SYNE3: variants seen among roughly 807,000 people sequenced by gnomAD.
The protein encoded by SYNE3 is nesprin-3.
Under a neutral mutation model 111.2 loss-of-function variants are expected in SYNE3, and 100 were observed. The ratio of observed to expected loss-of-function variants is 0.90; its 90% confidence interval spans 0.77 to 1.06. The LOEUF is 1.06. Among genes scored for constraint, SYNE3 ranks in the 50% least tolerant of loss-of-function variants. The probability of loss-of-function intolerance (pLI) is 0.00; values close to 1 mark genes in which losing one functional copy is unlikely to be tolerated. For synonymous variants in SYNE3, 547 were observed against 533.9 expected, an observed-to-expected ratio of 1.02 and a Z score of -0.34; for missense variants, 1,160 against 1,240.3, an observed-to-expected ratio of 0.94 and a Z score of 0.97.
intron 7 of SYNE3, chr14:95,451,426 T>C (rs1887068576): frequency 6.6e-6 from 1 of 152,236 alleles, no homozygotes; most frequent in Non-Finnish European, 1.5e-5. Flanking sequence ...GAAATCTCAG[T>C]GAGAGAAACC....
rs1249254874 is a variant in SYNE3, at chr14:95,467,935, C to T, written c.177G>A (p.Val59=). 6.2e-7 allele frequency: 1 copy of T among 1,613,604 alleles called. No homozygotes were observed. Among genetic ancestry groups the T allele is most frequent in the Non-Finnish European group, 8.5e-7 (1 of 1,179,580 alleles). The change falls in exon 3 of 18, where the codon GTG becomes GTA. Residue 59 remains valine (V), a synonymous_variant. Coordinates refer to ENST00000682763, the MANE Select transcript of SYNE3 (RefSeq NM_152592.6). ...KICQLEPEGR[V]RVDLVLRMAE... is the part of the protein sequence containing the mutation. ...CCATCCGTAGCACGAGGTCCACCCT[C>T]ACACGCCCCTCGGGCTCCAGCTGGC...
At chr14:95,457,084 CA>C (rs55934257) in intron 5 of SYNE3, 92 bp downstream of exon 5, 127,471 of 1,202,820 alleles carry the variant, frequency 0.11, 21 homozygotes, top group Non-Finnish European at 0.11. Flanking sequence ...GACTCCATCT[CA>C]AAAAAAAAAA....
intron 1 of SYNE3, among the ~76,000 whole-genome samples, chr14:95,476,752 C>T (rs1888912015): frequency 6.6e-6 from 1 of 152,250 alleles, no homozygotes; most frequent in South Asian, 2.1e-4. Flanking sequence ...GTTTATCCTC[C>T]AGTCTCCCAC....
In SYNE3 at chr14:95,436,866, C is replaced by T. The variant is rs531873700; in HGVS notation, c.2492G>A (p.Arg831Lys). ...NSKLVRIIAM[R>K]TSTAEDLRTR... Reference sequence around the variant, plus strand: ...CCTCAAGTCCTCAGCTGTAGAAGTTCTCATTGCGATGATTCTAACCAGCTT... The same window carrying T: ...CCTCAAGTCCTCAGCTGTAGAAGTTTTCATTGCGATGATTCTAACCAGCTT... Residue 831 changes from arginine (R) to lysine (K), a missense_variant, in exon 15 of 18, where the codon AGA (arginine) becomes AAA (lysine). Physicochemically the swap from Arg to Lys is conservative, Grantham distance 26 (BLOSUM62 2). Transcript: ENST00000682763. The T allele has an allele frequency of 1.2e-6, 2 of 1,614,198 alleles. No individual in the cohort carries two copies. The highest frequency in any genetic ancestry group is 2.7e-5 in the African/African-American group (2 of 75,040).
At position 95,468,058 on chromosome 14, in the gene SYNE3, G is replaced by A. The variant is rs553841818; in HGVS notation, c.145-91C>T. Reference sequence around the variant, plus strand: ...ATAGTGGCATGGTGCAAAGAGCCAGGACTCGAAGGCCAGAGGATCTGGGAT... The same window carrying A: ...ATAGTGGCATGGTGCAAAGAGCCAGAACTCGAAGGCCAGAGGATCTGGGAT... On this transcript the variant is annotated intron_variant, in intron 2 of 17. Transcript: ENST00000682763. 170 of 1,422,918 alleles carry A rather than the reference G, an allele frequency of 1.2e-4. 1 individual carries two copies. The South Asian group carries it at 1.9e-3, about 16-fold the overall frequency. 88.1% of individuals were successfully genotyped at this position (1,422,918 alleles called of 1,614,324 possible).
At chr14:95,503,743 C>T (rs1465885243) in intron 1 of SYNE3, among the ~76,000 whole-genome samples, 2 of 149,772 alleles carry the variant, frequency 1.3e-5, no homozygotes, top group South Asian at 2.1e-4. Context: ...CTCCACCTAT[C>T]GAGTAGCTGA....
intron 17 of SYNE3, among the ~76,000 whole-genome samples, chr14:95,420,416 A>G (rs547559097): frequency 6.6e-6 from 1 of 152,284 alleles, no homozygotes; most frequent in South Asian, 2.1e-4. Flanking sequence ...TCCCAAATGG[A>G]GGGTCTGCTT....
At chr14:95,452,216 G>A in intron 7 of SYNE3, 31 bp downstream of exon 7, 2 of 1,559,174 alleles carry the variant, frequency 1.3e-6, no homozygotes, top group Non-Finnish European at 1.7e-6. Flanking sequence ...AGCACACCCT[G>A]AGTCCCACCA....
Position 95,455,480 on chromosome 14 carries a change from C to G in SYNE3, c.1034G>C (p.Ser345Thr), listed in dbSNP as rs766013746. Residue 345 changes from serine to threonine, a missense_variant, in exon 6 of 18, where the codon AGT becomes ACT. By Grantham distance (58) the Ser-to-Thr change is moderately conservative. Transcript: ENST00000682763. The stretch of plus-strand genomic sequence containing the variant: ...CCTCTGCAGGACCATCCTGAACTCA[C>G]TGAGCTCAGCCTCCAGCTGCTTAAT... ...QQIKQLEAEL[S>T]EFRMVLQRLA... 6.2e-6 allele frequency: 10 copies of G among 1,613,468 alleles called. No individual in the cohort carries two copies. The East Asian group carries it at 1.8e-4, about 29-fold the overall frequency.
intron 17 of SYNE3, among the ~76,000 whole-genome samples, chr14:95,425,091 A>G (rs188138802): frequency 1.7e-4 from 26 of 151,984 alleles, no homozygotes; most frequent in Admixed American, 3.9e-4. Flanking sequence ...AATACAAAAA[A>G]ACAAATTAGC....
rs747642116 is a variant in SYNE3 at position 95,408,843 on chromosome 14, C to G, written c.*8983G>C. ...TTGGAACTGCTCAGCAGGCAGAGAC[C>G]GCGCAAAGCCAACTCTGTCCTCTGC... On this transcript the variant is annotated 3_prime_UTR_variant, in exon 18 of 18. Coordinates refer to ENST00000682763, the MANE Select transcript of SYNE3 (RefSeq NM_152592.6). 4.1e-5 allele frequency: 13 copies of G among 315,880 alleles called. No individual in the cohort carries two copies. Among genetic ancestry groups the G allele is most frequent in the African/African-American group, 1.1e-4 (5 of 46,208 alleles). 19.6% of individuals were successfully genotyped at this position (315,880 alleles called of 1,614,324 possible).
chr14:95,417,946 C>G lies in SYNE3; in HGVS notation c.2808G>C (p.Leu936=), dbSNP rs144877155. Residue 936 remains leucine (L), a synonymous_variant, in exon 18 of 18, where the codon CTG becomes CTC. Coordinates refer to ENST00000682763, the MANE Select transcript of SYNE3 (RefSeq NM_152592.6). The part of the protein sequence containing the change: ...VALPLQLLLL[L]FLLLLFLLPI... ...GGAGCAGGAACAGCAGGAGGAGGAA[C>G]AGCAGCAGAAGCAGCTGCAGTGGGA... 1.5e-4 allele frequency: 236 copies of G among 1,613,930 alleles called. No homozygotes were observed. In the African/African-American group the frequency reaches 2.4e-3, roughly 17 times the overall value.
At chr14:95,501,709 C>T (rs1312180862) in intron 1 of SYNE3, among the ~76,000 whole-genome samples, 1 of 150,808 alleles carries the variant, frequency 6.6e-6, no homozygotes, top group African/African-American at 2.5e-5. Context: ...GAGGTGGCCA[C>T]AGGAGGGAAG....
intron 4 of SYNE3, among the ~76,000 whole-genome samples, chr14:95,463,953 A>C (rs1302823477): frequency 1.3e-5 from 2 of 152,212 alleles, no homozygotes. Flanking sequence ...ATGTAACCAT[A>C]CAGCCCCCAC....
At position 95,439,036 on chromosome 14, in the gene SYNE3, T is replaced by C; in HGVS notation, c.2373A>G (p.Arg791=). The C allele has an allele frequency of 6.2e-7, 1 of 1,614,112 alleles. No homozygotes were observed. Among genetic ancestry groups the C allele is most frequent in the Non-Finnish European group, 8.5e-7 (1 of 1,180,034 alleles). The change falls in exon 14 of 18, where the codon CGA becomes CGG. Residue 791 remains arginine (R), a synonymous_variant. Transcript: ENST00000682763. ...NPMDPIPRHR[R]RANLLQEEEG... ...CAGCCCTGCTAGACAGACTCACGCG[T>C]CGACGATGCCTGGGAATAGGATCCA...
intron 1 of SYNE3, among the ~76,000 whole-genome samples, chr14:95,508,763 C>T (rs751823439): frequency 7.9e-5 from 12 of 152,222 alleles, no homozygotes; most frequent in Non-Finnish European, 1.6e-4. Flanking sequence ...GGTTCCGGGG[C>T]CAACCCCCAG....
chr14:95,508,846 T>C (rs1056991562), intron 1 of SYNE3, among the ~76,000 whole-genome samples: 1 of 152,180 alleles, frequency 6.6e-6, no homozygotes, highest in Non-Finnish European at 1.5e-5. Flanking sequence ...ATGACACATA[T>C]TGCACCTTCT....
chr14:95,498,638 G>A (rs1890199215), intron 1 of SYNE3, among the ~76,000 whole-genome samples: 1 of 152,210 alleles, frequency 6.6e-6, no homozygotes, highest in Admixed American at 6.5e-5. Context: ...TATAGAATAG[G>A]ACTGCATCTG....
At position 95,448,760 on chromosome 14, in the gene SYNE3, T is replaced by C. The variant is rs74078465; in HGVS notation, c.1449+1171A>G. ...AGCCCCAAGCGGAAAATCACAAGGG[T>C]AGACGTTTCAAAATGCAGGCACATG... On this transcript the variant is annotated intron_variant, in intron 8 of 17. Transcript: ENST00000682763. 4.6e-3 allele frequency among the ~76,000 whole-genome samples: 698 copies of C among 152,122 alleles called. 4 individuals are homozygous for C. Among genetic ancestry groups the C allele is most frequent in the African/African-American group, 0.016 (663 of 41,482 alleles).
Sources: gnomAD v4.1 joint callset for allele counts (sites outside exome capture counted in the v4.1 genomes callset) on GRCh38, gnomAD v4.1.1 for gene constraint, MANE v1.5 for transcripts, NCBI Gene and HGNC (gene_info 2026-07-23, HGNC 2026-07-21) for gene names.